Variants in MBD5 observed in about 807,000 individuals in gnomAD.
MBD5 encodes the protein methyl-CpG-binding domain protein 5.
MBD5 carries 13 observed loss-of-function variants against 117.3 expected under a neutral mutation model. The observed-to-expected ratio is 0.11, with a 90% CI of 0.07 to 0.18. The LOEUF (loss-of-function observed/expected upper bound fraction) is 0.18, where lower values mean the gene tolerates loss of function less well. MBD5 is among the 10% of genes least tolerant of loss of function. The probability of loss-of-function intolerance (pLI) is 1.00; values close to 1 mark genes in which losing one functional copy is unlikely to be tolerated. For synonymous variants in MBD5, 727 were observed against 766.4 expected (o/e 0.95, Z 0.85); for missense variants, 1,879 against 2,093.8 (o/e 0.90, Z 2.00).
intron 3 of MBD5, among the ~76,000 whole-genome samples, chr2:148,300,121 C>G (rs899290403): frequency 2.6e-5 from 4 of 152,144 alleles, no homozygotes; most frequent in African/African-American, 9.6e-5. Context: ...GTGGCACGAT[C>G]TCAGCTCACT....
At chr2:148,021,994 G>A (rs1693757024) in intron 1 of MBD5, among the ~76,000 whole-genome samples, 1 of 152,118 alleles carries the variant, frequency 6.6e-6, no homozygotes, top group South Asian at 2.1e-4. Context: ...CTCCAATGAG[G>A]CGCCAGGGAA....
At chr2:148,426,647 T>C (rs914693281) in intron 4 of MBD5, among the ~76,000 whole-genome samples, 1 of 152,030 alleles carries the variant, frequency 6.6e-6, no homozygotes, top group Admixed American at 6.6e-5. Flanking sequence ...ATACAAAAAT[T>C]AATTCAAGAT....
At chr2:148,129,672 A>C (rs2105460029) in intron 1 of MBD5, among the ~76,000 whole-genome samples, 2 of 152,318 alleles carry the variant, frequency 1.3e-5, no homozygotes, top group South Asian at 4.1e-4. Context: ...AGAGTATAGC[A>C]ATTTAGGAAA....
intron 3 of MBD5, among the ~76,000 whole-genome samples, chr2:148,290,626 C>A (rs1282453871): frequency 6.6e-6 from 1 of 152,106 alleles, no homozygotes; most frequent in African/African-American, 2.4e-5. Flanking sequence ...TCATTATTTT[C>A]TCTTCATTTC....
chr2:148,312,105 G>A (rs1244829305), intron 3 of MBD5, among the ~76,000 whole-genome samples: 2 of 152,076 alleles, frequency 1.3e-5, no homozygotes, highest in Non-Finnish European at 2.9e-5. Flanking sequence ...TTCAACCTTG[G>A]TGAATCTGAC....
rs1441145248 is a variant in MBD5, at chr2:148,327,579, C to A, written c.-679-14635C>A. On this transcript the variant is annotated intron_variant, in intron 3 of 13. Coordinates refer to ENST00000642680, the MANE Select transcript of MBD5 (RefSeq NM_001378120.1). Reference sequence around the variant, plus strand: ...TTTCTCTAAACTTCCCTTCTCGCTTCATTTCATTCATTTCATCTTCCATCG... The same window carrying A: ...TTTCTCTAAACTTCCCTTCTCGCTTAATTTCATTCATTTCATCTTCCATCG... 3.9e-5 allele frequency among the ~76,000 whole-genome samples: 6 copies of A among 151,936 alleles called. No homozygotes were observed. The East Asian group carries it at 7.8e-4, about 20-fold the overall frequency.
At chr2:148,314,315 T>C (rs917084520) in intron 3 of MBD5, among the ~76,000 whole-genome samples, 1 of 151,202 alleles carries the variant, frequency 6.6e-6, no homozygotes, top group Non-Finnish European at 1.5e-5. Context: ...TTATATTGTA[T>C]GAAAACAAGA....
At chr2:148,162,772 C>T (rs1330152630) in intron 1 of MBD5, among the ~76,000 whole-genome samples, 1 of 152,038 alleles carries the variant, frequency 6.6e-6, no homozygotes, top group Non-Finnish European at 1.5e-5. Context: ...TTATGGAGAT[C>T]TATAGTCTAA....
At chr2:148,333,531 A>T (rs1158994635) in intron 3 of MBD5, among the ~76,000 whole-genome samples, 1 of 152,092 alleles carries the variant, frequency 6.6e-6, no homozygotes, top group African/African-American at 2.4e-5. Flanking sequence ...TCTTTTCAGT[A>T]GAGTACCCTT....
At chr2:148,060,506 G>T (rs1695007570) in intron 1 of MBD5, among the ~76,000 whole-genome samples, 1 of 152,078 alleles carries the variant, frequency 6.6e-6, no homozygotes, top group South Asian at 2.1e-4. Context: ...ACTGTAAACT[G>T]ATTATTTCAG....
Position 148,135,859 on chromosome 2 carries a change from A to G in MBD5, c.-924-42841A>G, listed in dbSNP as rs571856319. Among the ~76,000 whole-genome samples the G allele has an allele frequency of 6.6e-5, 10 of 152,270 alleles. 1 individual carries two copies. In the South Asian group the frequency reaches 8.3e-4, roughly 13 times the overall value. On this transcript the variant is annotated intron_variant, in intron 1 of 13. Transcript: ENST00000642680. ...CACCAGATAGACCTCCTAGGACCAC[A>G]TATGTGGGCAGGCACTTAACTTTCA...
At chr2:148,262,086 G>GA (rs1700746035) in intron 3 of MBD5, among the ~76,000 whole-genome samples, 1 of 152,104 alleles carries the variant, frequency 6.6e-6, no homozygotes, top group Admixed American at 6.6e-5. Flanking sequence ...CAATAATAAT[G>GA]AAAAAATTTG....
chr2:148,218,993 T>A (rs2106057699), intron 2 of MBD5, among the ~76,000 whole-genome samples: 1 of 152,364 alleles, frequency 6.6e-6, no homozygotes, highest in East Asian at 1.9e-4. Context: ...CAAATTAACC[T>A]TAGTTTACTG....
At chr2:148,142,515 A>G (rs1697343291) in intron 1 of MBD5, among the ~76,000 whole-genome samples, 1 of 152,202 alleles carries the variant, frequency 6.6e-6, no homozygotes. Context: ...TAGAATAGAG[A>G]GAATACTACC....
chr2:148,060,511 T>A (rs1695007901), intron 1 of MBD5, among the ~76,000 whole-genome samples: 1 of 152,194 alleles, frequency 6.6e-6, no homozygotes, highest in Non-Finnish European at 1.5e-5. Flanking sequence ...AAACTGATTA[T>A]TTCAGGACTT....
chr2:148,424,177 C>CAAAAAAAAAAAAAAAA lies in MBD5; in HGVS notation c.-556-34002_-556-33987dup, dbSNP rs56740583. 3.0e-4 allele frequency among the ~76,000 whole-genome samples: 16 copies of CAAAAAAAAAAAAAAAA among 53,460 alleles called. 1 individual carries two copies. Among genetic ancestry groups the CAAAAAAAAAAAAAAAA allele is most frequent in the South Asian group, 9.2e-4 (1 of 1,088 alleles). The allele number at this position is 53,460 out of a possible 152,430, so 35.1% of individuals were successfully genotyped here. The stretch of plus-strand genomic sequence containing the variant: ...TGGGCAACAGAGCAAGACTCTGTCT[C>CAAAAAAAAAAAAAAAA]AAAAAAAAAAAAAAAAAAAAAAAAA... On this transcript the variant is annotated intron_variant, in intron 4 of 13. Coordinates refer to ENST00000642680, the MANE Select transcript of MBD5 (RefSeq NM_001378120.1).
At chr2:148,213,209 C>A (rs1287849594) in intron 2 of MBD5, among the ~76,000 whole-genome samples, 2 of 152,074 alleles carry the variant, frequency 1.3e-5, no homozygotes, top group Admixed American at 6.5e-5. Context: ...AATTTTTTCC[C>A]TATTCTTTAG....
At chr2:148,241,796 ACT>A (rs1700221743) in intron 3 of MBD5, among the ~76,000 whole-genome samples, 1 of 151,506 alleles carries the variant, frequency 6.6e-6, no homozygotes, top group East Asian at 1.9e-4. Context: ...TCAAATCCTC[ACT>A]CTTTCTATTT....
chr2:148,197,818 G>GTTTTTTTTTTTTTTT (rs11389519), intron 2 of MBD5, among the ~76,000 whole-genome samples: 2 of 103,546 alleles, frequency 1.9e-5, no homozygotes, highest in Non-Finnish European at 3.7e-5. Context: ...TTTTTTTTTT[G>GTTTTTTTTTTTTTTT]TTTTTTTTTT....
Sources: gnomAD v4.1 joint callset for allele counts (sites outside exome capture counted in the v4.1 genomes callset) on GRCh38, gnomAD v4.1.1 for gene constraint, MANE v1.5 for transcripts, NCBI Gene and HGNC (gene_info 2026-07-23, HGNC 2026-07-21) for gene names.